Variants in RASGRP3 observed in about 807,000 individuals in gnomAD.
RASGRP3 encodes RAS guanyl releasing protein 3, also known as ras guanyl-releasing protein 3.
Under a neutral mutation model 82.7 loss-of-function variants are expected in RASGRP3, and 54 were observed. The ratio of observed to expected loss-of-function variants is 0.65; its 90% CI spans 0.52 to 0.82. The LOEUF (loss-of-function observed/expected upper bound fraction) is 0.82. Among genes scored for constraint, RASGRP3 ranks in the 40% least tolerant of loss-of-function variants. The probability of loss-of-function intolerance (pLI) is 0.00; values close to 1 mark genes in which losing one functional copy is unlikely to be tolerated. For missense variants in RASGRP3, 861 were observed against 828.9 expected (o/e 1.04, Z -0.48); for synonymous variants, 309 against 300.5 (o/e 1.03, Z -0.29).
rs188114037 is a variant in RASGRP3 at position 33,518,248 on chromosome 2, C to T, written c.173+1604C>T. ...AGCCTATTGGTCCTGGACTACAAAC[C>T]TGTACAGCATGTCGCTGTACTGAAT... On this transcript the variant is annotated intron_variant, in intron 4 of 17. Coordinates refer to ENST00000403687, the MANE Select transcript of RASGRP3 (RefSeq NM_001139488.2). Among the ~76,000 whole-genome samples, 15 of 152,318 alleles carry T rather than the reference C, an allele frequency of 9.8e-5. No individual in the cohort carries two copies. In the East Asian group the frequency reaches 2.9e-3, roughly 29 times the overall value.
chr2:33,563,899 G>A lies in RASGRP3; in HGVS notation c.*1162G>A, dbSNP rs1377680415. The A allele has an allele frequency of 2.0e-5, 3 of 152,006 alleles. No homozygotes were observed. Among genetic ancestry groups the A allele is most frequent in the African/African-American group, 7.2e-5 (3 of 41,408 alleles). 9.4% of individuals were successfully genotyped at this position (152,006 alleles called of 1,614,324 possible). A position where few individuals can be genotyped will look rare whatever the true frequency, so the allele number is the denominator to read the frequency against. ...GGGTCTATTTCTTCCATGATTAGAG[G>A]AGAGAGAACTTGATTCAAGATACTG... On this transcript the variant is annotated 3_prime_UTR_variant, in exon 18 of 18. Coordinates refer to ENST00000403687, the MANE Select transcript of RASGRP3 (RefSeq NM_001139488.2).
chr2:33,450,585 A>G (rs1042609643), intron 2 of RASGRP3, among the ~76,000 whole-genome samples: 10 of 152,032 alleles, frequency 6.6e-5, no homozygotes, highest in African/African-American at 2.4e-4. Context: ...ATAGCACTCC[A>G]TTGTATATAC....
In RASGRP3 at chr2:33,564,587, T is replaced by A. The variant is rs548838600; in HGVS notation, c.*1850T>A. The stretch of plus-strand genomic sequence containing the variant: ...AAACGTGTTAATAAACATTGTACTG[T>A]TCTTTTGCTTCTCAAAGGAATTATT... On this transcript the variant is annotated 3_prime_UTR_variant, in exon 18 of 18. Transcript: ENST00000403687. 86 of 152,356 alleles carry A rather than the reference T, an allele frequency of 5.6e-4. No homozygotes were observed. The highest frequency in any genetic ancestry group is 2.0e-3 in the African/African-American group (84 of 41,594). The allele number at this position is 152,356 out of a possible 1,614,324, so 9.4% of individuals were successfully genotyped here. A position where few individuals can be genotyped will look rare whatever the true frequency, so the allele number is the denominator to read the frequency against.
At chr2:33,474,113 C>A (rs1221989724), upstream of RASGRP3, among the ~76,000 whole-genome samples, 2 of 152,116 alleles carry the variant, frequency 1.3e-5, no homozygotes. Flanking sequence ...CTCTAACAGA[C>A]CATGGACAGG....
At chr2:33,483,494 T>TC (rs887553621) in intron 1 of RASGRP3, among the ~76,000 whole-genome samples, 17 of 146,724 alleles carry the variant, frequency 1.2e-4, no homozygotes, top group South Asian at 4.4e-4. Context: ...CTATTTTTTT[T>TC]TTTTTTTTTT....
intron 10 of RASGRP3, chr2:33,532,852 A>G (rs1005921835): frequency 6.6e-6 from 1 of 152,256 alleles, no homozygotes; most frequent in African/African-American, 2.4e-5. Context: ...TCCCTGACAC[A>G]TAGTAGATTA....
At chr2:33,547,664 T>G (rs1204819185) in intron 13 of RASGRP3, among the ~76,000 whole-genome samples, 1 of 152,086 alleles carries the variant, frequency 6.6e-6, no homozygotes, top group Non-Finnish European at 1.5e-5. Flanking sequence ...GGAGATTAAG[T>G]CTTCAGCCCC....
chr2:33,543,748 G>A (rs1414325703), intron 13 of RASGRP3, 121 bp downstream of exon 13: 11 of 674,940 alleles, frequency 1.6e-5, no homozygotes, highest in South Asian at 1.2e-4. Context: ...GCTTTGATGA[G>A]CCAGGTTTAA....
chr2:33,466,756 A>G (rs1238063862), intron 2 of RASGRP3, among the ~76,000 whole-genome samples: 1 of 152,058 alleles, frequency 6.6e-6, no homozygotes, highest in Non-Finnish European at 1.5e-5. Context: ...TTGCACACTT[A>G]ACAGACTACA....
chr2:33,469,668 C>T (rs1173225929), intron 2 of RASGRP3, among the ~76,000 whole-genome samples: 1 of 152,000 alleles, frequency 6.6e-6, no homozygotes, highest in African/African-American at 2.4e-5. Flanking sequence ...ACCATGTTGC[C>T]CAGGCTGGTC....
In RASGRP3 at chr2:33,524,506, C is replaced by G. The variant is rs768006111; in HGVS notation, c.765C>G (p.Arg255=). 3 of 1,604,682 alleles carry G rather than the reference C, an allele frequency of 1.9e-6. No individual in the cohort carries two copies. The highest frequency in any genetic ancestry group is 2.2e-5 in the East Asian group (1 of 44,732). Residue 255 remains arginine, a synonymous_variant, in exon 9 of 18, where the codon CGC becomes CGG. Coordinates refer to ENST00000403687, the MANE Select transcript of RASGRP3 (RefSeq NM_001139488.2). ...GCCTCAGTCATAGTTCCATTTCACG[C>G]CTCAAAGAGACCCATTCTCATCTTT... The part of the protein sequence containing the change: ...VGGLSHSSIS[R]LKETHSHLSS...
intron 1 of RASGRP3, among the ~76,000 whole-genome samples, chr2:33,506,501 A>G (rs1353220424): frequency 6.6e-6 from 1 of 152,208 alleles, no homozygotes; most frequent in East Asian, 1.9e-4. Context: ...CCAACATTAT[A>G]TCTGTCACAT....
intron 11 of RASGRP3, among the ~76,000 whole-genome samples, chr2:33,536,243 A>G (rs1048103765): frequency 8.2e-5 from 12 of 146,776 alleles, no homozygotes; most frequent in African/African-American, 3.0e-4. Flanking sequence ...CAGAGGTTGC[A>G]GTGAGCTGAG....
intron 1 of RASGRP3, among the ~76,000 whole-genome samples, chr2:33,497,835 TAATG>T (rs971554721): frequency 2.5e-4 from 38 of 152,296 alleles, no homozygotes; most frequent in African/African-American, 8.9e-4. Flanking sequence ...TCTACCAAAA[TAATG>T]AATAATACAG....
intron 4 of RASGRP3, 130 bp from the exon 5 acceptor site, chr2:33,519,822 C>T: frequency 4.9e-6 from 3 of 608,024 alleles, no homozygotes; most frequent in Non-Finnish European, 8.8e-6. Context: ...GGCCACTTCT[C>T]TCCGTATTTG....
intron 1 of RASGRP3, among the ~76,000 whole-genome samples, chr2:33,503,977 A>T (rs978289087): frequency 2.6e-5 from 4 of 152,196 alleles, no homozygotes; most frequent in African/African-American, 9.6e-5. Context: ...GCCTTTAAAA[A>T]AATCCAAAGG....
intron 10 of RASGRP3, among the ~76,000 whole-genome samples, chr2:33,529,076 G>C (rs1672848981): frequency 6.6e-6 from 1 of 152,182 alleles, no homozygotes; most frequent in African/African-American, 2.4e-5. Context: ...GCCTACCCTT[G>C]GGCAATTTCT....
intron 2 of RASGRP3, among the ~76,000 whole-genome samples, chr2:33,512,392 T>C (rs1403748484): frequency 2.0e-5 from 3 of 152,134 alleles, no homozygotes; most frequent in Admixed American, 2.0e-4. Flanking sequence ...CTTCCGTGAG[T>C]AACAGGCTAA....
At chr2:33,454,709 G>A (rs1053080211) in intron 2 of RASGRP3, among the ~76,000 whole-genome samples, 2 of 152,128 alleles carry the variant, frequency 1.3e-5, no homozygotes, top group Admixed American at 6.5e-5. Flanking sequence ...TTAGGCTGGG[G>A]GACCCTGGTC....
Sources: gnomAD v4.1 joint callset for allele counts (sites outside exome capture counted in the v4.1 genomes callset) on GRCh38, gnomAD v4.1.1 for gene constraint, MANE v1.5 for transcripts, NCBI Gene and HGNC (gene_info 2026-07-23, HGNC 2026-07-21) for gene names.